Variants in PELI2 observed in about 807,000 individuals in gnomAD.
The protein encoded by PELI2 is pellino E3 ubiquitin protein ligase family member 2.
Under a neutral mutation model 42.3 loss-of-function variants are expected in PELI2, and 23 were observed. The observed-to-expected ratio is 0.54, with a 90% CI of 0.39 to 0.77. The LOEUF (loss-of-function observed/expected upper bound fraction) is 0.77, where lower values mean the gene tolerates loss of function less well. PELI2 is among the 30% of genes least tolerant of loss of function. The pLI, the probability that PELI2 is intolerant of heterozygous loss-of-function variation, is 0.00. For synonymous variants in PELI2, 245 were observed against 212.2 expected (o/e 1.15, Z -1.34); for missense variants, 463 against 553.2 (o/e 0.84, Z 1.64).
intron 2 of PELI2, among the ~76,000 whole-genome samples, chr14:56,233,312 A>C (rs986757961): frequency 2.0e-5 from 3 of 152,208 alleles, no homozygotes; most frequent in Non-Finnish European, 2.9e-5. Flanking sequence ...TCCAAAGCCA[A>C]AAGAACAAAG....
At chr14:56,286,578 A>G (rs1357378529) in intron 3 of PELI2, among the ~76,000 whole-genome samples, 1 of 152,258 alleles carries the variant, frequency 6.6e-6, no homozygotes, top group Admixed American at 6.5e-5. Flanking sequence ...CTTGCGTGCT[A>G]TATGAATATC....
At chr14:56,214,864 T>C (rs112694218) in intron 2 of PELI2, among the ~76,000 whole-genome samples, 1 of 152,158 alleles carries the variant, frequency 6.6e-6, no homozygotes, top group African/African-American at 2.4e-5. Flanking sequence ...TCGGGAGAAA[T>C]GACCAAGGAG....
At chr14:56,242,646 T>C (rs191655003) in intron 2 of PELI2, among the ~76,000 whole-genome samples, 37 of 152,260 alleles carry the variant, frequency 2.4e-4, no homozygotes, top group Non-Finnish European at 2.8e-4. Flanking sequence ...GTGGTATATA[T>C]ACACACCATG....
rs188625726 is a variant in PELI2, at chr14:56,300,078, T to C, written c.*2912T>C. The C allele has an allele frequency of 3.9e-5, 6 of 152,788 alleles. No individual in the cohort carries two copies. The highest frequency in any genetic ancestry group is 3.9e-4 in the Admixed American group (6 of 15,302). The allele number at this position is 152,788 out of a possible 1,614,324, so 9.5% of individuals were successfully genotyped here. On this transcript the variant is annotated 3_prime_UTR_variant, in exon 6 of 6. Transcript: ENST00000267460. ...TCACCCTGCAGAGTATTAAGGTTTC[T>C]GGATTTTTTTCTCCCAACTGTGGCC...
chr14:56,120,201 C>T (rs1291032563), intron 1 of PELI2, among the ~76,000 whole-genome samples: 2 of 152,166 alleles, frequency 1.3e-5, no homozygotes, highest in African/African-American at 2.4e-5. Flanking sequence ...GGAGAAAAGC[C>T]GCAGTTTAGT....
chr14:56,201,146 G>T (rs1886317421), intron 2 of PELI2, among the ~76,000 whole-genome samples: 2 of 152,194 alleles, frequency 1.3e-5, no homozygotes, highest in South Asian at 4.1e-4. Context: ...CTGTCTCTGA[G>T]CTTTAGGGAG....
Position 56,296,577 on chromosome 14 carries a change from C to T in PELI2, c.697-23C>T, listed in dbSNP as rs376297301. The T allele has an allele frequency of 1.4e-5, 21 of 1,507,876 alleles. No individual in the cohort carries two copies. In the Middle Eastern group the frequency reaches 5.3e-4, roughly 38 times the overall value. 93.4% of individuals were successfully genotyped at this position (1,507,876 alleles called of 1,614,324 possible). A position where few individuals can be genotyped will look rare whatever the true frequency, so the allele number is the denominator to read the frequency against. ...TTTGCTTGATTTTGCTTTTAAAAGG[C>T]ATGTGTCTCAAACTTGTTGTAGGTG... On this transcript the variant is annotated intron_variant, in intron 5 of 5. Transcript: ENST00000267460.
intron 1 of PELI2, among the ~76,000 whole-genome samples, chr14:56,175,661 C>T (rs1566620561): frequency 6.6e-6 from 1 of 152,206 alleles, no homozygotes; most frequent in Admixed American, 6.5e-5. Flanking sequence ...TTTGCTTAAC[C>T]TGCAATATCT....
At chr14:56,294,302 C>G (rs1191865136) in intron 5 of PELI2, among the ~76,000 whole-genome samples, 1 of 152,160 alleles carries the variant, frequency 6.6e-6, no homozygotes, top group African/African-American at 2.4e-5. Context: ...GTGGAGTATT[C>G]TAGGCAGAGG....
At chr14:56,184,040 T>C (rs1450805198) in intron 2 of PELI2, among the ~76,000 whole-genome samples, 1 of 152,114 alleles carries the variant, frequency 6.6e-6, no homozygotes, top group African/African-American at 2.4e-5. Context: ...TTTACATTTA[T>C]CTTGTATCAA....
chr14:56,184,102 C>G (rs2139676999), intron 2 of PELI2, among the ~76,000 whole-genome samples: 1 of 152,094 alleles, frequency 6.6e-6, no homozygotes, highest in African/African-American at 2.4e-5. Flanking sequence ...ATTGAGATGA[C>G]TGTTTGGACC....
rs1318737841 is a variant in PELI2 at position 56,118,620 on chromosome 14, C to T, written c.-41C>T. ...GACTCGGCGGGGATCGCGGCGGAGG[C>T]GGCGGCGTCGGCGGCGGCGTCGGCG... On this transcript the variant is annotated 5_prime_UTR_variant, in exon 1 of 6. Coordinates refer to ENST00000267460, the MANE Select transcript of PELI2 (RefSeq NM_021255.3). 2.2e-5 allele frequency: 27 copies of T among 1,229,140 alleles called. 1 individual carries two copies. The highest frequency in any genetic ancestry group is 1.2e-4 in the South Asian group (6 of 51,630). The allele number at this position is 1,229,140 out of a possible 1,614,324, so 76.1% of individuals were successfully genotyped here.
At position 56,225,631 on chromosome 14, in the gene PELI2, A is replaced by G. The variant is rs77818877; in HGVS notation, c.207+47167A>G. Reference sequence around the variant, plus strand: ...CTGCAGTGAGGGAAGGGGCAGGGGCAGCGGTCACAACGCCCAGCAGCATCA... The same window carrying G: ...CTGCAGTGAGGGAAGGGGCAGGGGCGGCGGTCACAACGCCCAGCAGCATCA... On this transcript the variant is annotated intron_variant, in intron 2 of 5. Coordinates refer to ENST00000267460, the MANE Select transcript of PELI2 (RefSeq NM_021255.3). Among the ~76,000 whole-genome samples the G allele has an allele frequency of 7.8e-3, 1,189 of 152,324 alleles. 19 individuals carry two copies. The highest frequency in any genetic ancestry group is 0.027 in the African/African-American group (1,118 of 41,574).
At chr14:56,119,852 G>A (rs898743689) in intron 1 of PELI2, 1 of 985,242 alleles carries the variant, frequency 1.0e-6, no homozygotes, top group African/African-American at 1.7e-5. Flanking sequence ...GAACATCCTC[G>A]GCGCTGATAG....
chr14:56,283,918 T>G (rs1165602269), intron 3 of PELI2, among the ~76,000 whole-genome samples: 1 of 152,212 alleles, frequency 6.6e-6, no homozygotes, highest in African/African-American at 2.4e-5. Context: ...TTTCCATTTT[T>G]TCCTCCTTTT....
chr14:56,285,077 G>A (rs1253908539), intron 3 of PELI2, among the ~76,000 whole-genome samples: 1 of 152,190 alleles, frequency 6.6e-6, no homozygotes, highest in Non-Finnish European at 1.5e-5. Flanking sequence ...GGTATAATCT[G>A]ATTTATGTTT....
At chr14:56,198,034 T>C (rs939048559) in intron 2 of PELI2, among the ~76,000 whole-genome samples, 6 of 150,258 alleles carry the variant, frequency 4.0e-5, no homozygotes, top group African/African-American at 1.2e-4. Flanking sequence ...GGTCCACTTC[T>C]CTAGAGAACC....
chr14:56,214,875 A>G (rs1325795400), intron 2 of PELI2, among the ~76,000 whole-genome samples: 1 of 152,210 alleles, frequency 6.6e-6, no homozygotes, highest in East Asian at 1.9e-4. Context: ...GACCAAGGAG[A>G]TAAACAGTGC....
chr14:56,260,948 A>G (rs1287483854), intron 2 of PELI2, among the ~76,000 whole-genome samples: 1 of 152,194 alleles, frequency 6.6e-6, no homozygotes, highest in East Asian at 1.9e-4. Context: ...TGTTTCACCA[A>G]GGGAAGGAAT....
Sources: gnomAD v4.1 joint callset for allele counts (sites outside exome capture counted in the v4.1 genomes callset) on GRCh38, gnomAD v4.1.1 for gene constraint, MANE v1.5 for transcripts, NCBI Gene and HGNC (gene_info 2026-07-23, HGNC 2026-07-21) for gene names.